Variants in MBD5 observed in about 807,000 individuals in gnomAD.
MBD5 encodes the protein methyl-CpG-binding domain protein 5.
Under a neutral mutation model 117.3 loss-of-function variants are expected in MBD5, and 13 were observed. The observed-to-expected ratio is 0.11, with a 90% CI of 0.07 to 0.18. The LOEUF (loss-of-function observed/expected upper bound fraction) is 0.18. Ranked by LOEUF, MBD5 falls within the 10% of genes least tolerant of loss-of-function variation. The pLI is 1.00. For missense variants in MBD5, 1,879 were observed against 2,093.8 expected (o/e 0.90, Z 2.00); for synonymous variants, 727 against 766.4 (o/e 0.95, Z 0.85).
intron 4 of MBD5, among the ~76,000 whole-genome samples, chr2:148,435,779 G>T (rs1342265672): frequency 6.6e-6 from 1 of 152,144 alleles, no homozygotes; most frequent in Non-Finnish European, 1.5e-5. Flanking sequence ...GAATTTGAAT[G>T]TTGGCCTCTC....
chr2:148,030,141 C>A (rs1014097026), intron 1 of MBD5, among the ~76,000 whole-genome samples: 1 of 151,944 alleles, frequency 6.6e-6, no homozygotes, highest in Non-Finnish European at 1.5e-5. Flanking sequence ...CTTGGTGGCA[C>A]ATACCTCTAA....
At chr2:148,413,316 A>G (rs1279889337) in intron 4 of MBD5, among the ~76,000 whole-genome samples, 5 of 152,004 alleles carry the variant, frequency 3.3e-5, no homozygotes, top group Non-Finnish European at 5.9e-5. Flanking sequence ...ATAAAACTTA[A>G]TTTATCATGG....
intron 1 of MBD5, among the ~76,000 whole-genome samples, chr2:148,112,340 A>G (rs890370849): frequency 6.6e-6 from 1 of 152,186 alleles, no homozygotes; most frequent in Non-Finnish European, 1.5e-5. Flanking sequence ...TGTACATTTT[A>G]TTAGTAGTTC....
chr2:148,148,187 A>G (rs144359834), intron 1 of MBD5, among the ~76,000 whole-genome samples: 135 of 152,278 alleles, frequency 8.9e-4, no homozygotes, highest in Non-Finnish European at 1.4e-3. Context: ...TGTCCTGAAA[A>G]TGGAGCTTAG....
In MBD5 at chr2:148,458,777, T is replaced by A. The variant is rs766104877; in HGVS notation, c.19T>A (p.Cys7Ser). 6.2e-7 allele frequency: 1 copy of A among 1,613,190 alleles called. No individual in the cohort carries two copies. The highest frequency in any genetic ancestry group is 8.5e-7 in the Non-Finnish European group (1 of 1,179,556). The change falls in exon 5 of 14, where the codon TGT (cysteine) becomes AGT (serine). Residue 7 changes from cysteine (C) to serine (S), a missense_variant. Coordinates refer to ENST00000642680, the MANE Select transcript of MBD5 (RefSeq NM_001378120.1). ...ACAGAAAATGAATGGAGGCAAAGAG[T>A]GTGACGGAGGGGACAAGGAAGGAGG... is the stretch of plus-strand genomic sequence containing the variant. MNGGKE[C>S]DGGDKEGGLP...
intron 1 of MBD5, among the ~76,000 whole-genome samples, chr2:148,084,757 A>C (rs1349408985): frequency 2.0e-5 from 3 of 152,210 alleles, no homozygotes; most frequent in Non-Finnish European, 4.4e-5. Context: ...AATACAGGGT[A>C]TCATGTAAAA....
intron 1 of MBD5, among the ~76,000 whole-genome samples, chr2:148,098,778 T>C (rs907580282): frequency 3.3e-5 from 5 of 152,038 alleles, no homozygotes; most frequent in African/African-American, 1.2e-4. Context: ...AGGCCAGGTG[T>C]GGTGGCTCAT....
chr2:148,377,238 G>C (rs185059197), intron 4 of MBD5, among the ~76,000 whole-genome samples: 1 of 152,160 alleles, frequency 6.6e-6, no homozygotes, highest in Non-Finnish European at 1.5e-5. Context: ...ATGTAGGCTG[G>C]GAGGCTAAGC....
chr2:148,294,501 G>GTTTTTTTTTTTTTTTTTTTTGTTTTTT (rs1701592466), intron 3 of MBD5, among the ~76,000 whole-genome samples: 1 of 113,216 alleles, frequency 8.8e-6, no homozygotes, highest in African/African-American at 3.7e-5. Context: ...TGGGATTACA[G>GTTTTTTTTTTTTTTTTTTTTGTTTTTT]TTTTTTTTTT....
In MBD5 at chr2:148,489,799, T is replaced by C. The variant is rs769780901; in HGVS notation, c.4167T>C (p.Gly1389=). ...GRNMGGVDHD[G]RLRNSRGARL... is the part of the protein sequence containing the mutation. ...ACATGGGAGGTGTTGATCATGATGG[T>C]AGGCTGAGGAATTCAAGAGGGGCTC... Residue 1389 remains glycine (G), a synonymous_variant, in exon 11 of 14, where the codon GGT becomes GGC. Transcript: ENST00000642680. 1.2e-6 allele frequency: 2 copies of C among 1,614,046 alleles called. No individual in the cohort carries two copies. The highest frequency in any genetic ancestry group is 2.2e-5 in the South Asian group (2 of 91,070).
intron 4 of MBD5, among the ~76,000 whole-genome samples, chr2:148,400,690 G>A (rs781334184): frequency 2.0e-5 from 3 of 152,138 alleles, no homozygotes; most frequent in Non-Finnish European, 4.4e-5. Context: ...CTTTCTGAGA[G>A]GTATGATCCT....
At chr2:148,274,120 T>G (rs1248781520) in intron 3 of MBD5, among the ~76,000 whole-genome samples, 1 of 152,178 alleles carries the variant, frequency 6.6e-6, no homozygotes, top group Non-Finnish European at 1.5e-5. Flanking sequence ...TCTCTTTCAG[T>G]GTCAAGAGCA....
At chr2:148,036,593 A>C (rs776312932) in intron 1 of MBD5, among the ~76,000 whole-genome samples, 1 of 152,082 alleles carries the variant, frequency 6.6e-6, no homozygotes, top group Non-Finnish European at 1.5e-5. Flanking sequence ...TTAGCCATCA[A>C]CTGGCTTTTT....
At chr2:148,040,174 C>T (rs1186551040) in intron 1 of MBD5, among the ~76,000 whole-genome samples, 8 of 151,826 alleles carry the variant, frequency 5.3e-5, no homozygotes, top group African/African-American at 1.9e-4. Context: ...TACCCCTGAA[C>T]CTAAAATAAA....
intron 1 of MBD5, among the ~76,000 whole-genome samples, chr2:148,121,536 A>G (rs1281676788): frequency 2.0e-5 from 3 of 152,074 alleles, no homozygotes; most frequent in Non-Finnish European, 4.4e-5. Flanking sequence ...CCATTATTCA[A>G]TTATTGGAAA....
intron 1 of MBD5, among the ~76,000 whole-genome samples, chr2:148,078,955 A>C (rs1419519671): frequency 6.6e-6 from 1 of 152,204 alleles, no homozygotes; most frequent in African/African-American, 2.4e-5. Flanking sequence ...TACAGACTGG[A>C]ACAAATGACC....
intron 1 of MBD5, among the ~76,000 whole-genome samples, chr2:148,074,478 T>C (rs1695439352): frequency 6.7e-6 from 1 of 149,656 alleles, no homozygotes; most frequent in Non-Finnish European, 1.5e-5. Flanking sequence ...TTCAAAGGAA[T>C]AGTTTGTTTT....
At chr2:148,290,301 C>CT (rs1322576984) in intron 3 of MBD5, among the ~76,000 whole-genome samples, 1 of 151,446 alleles carries the variant, frequency 6.6e-6, no homozygotes, top group Non-Finnish European at 1.5e-5. Context: ...AAGTAAGCTG[C>CT]TTTTTTTAAA....
At chr2:148,149,083 T>C (rs1040379330) in intron 1 of MBD5, among the ~76,000 whole-genome samples, 51 of 150,658 alleles carry the variant, frequency 3.4e-4, no homozygotes, top group African/African-American at 1.1e-3. Context: ...ATGCTATCCC[T>C]CCCCACTCCC....
Sources: gnomAD v4.1 joint callset for allele counts (sites outside exome capture counted in the v4.1 genomes callset) on GRCh38, gnomAD v4.1.1 for gene constraint, MANE v1.5 for transcripts, NCBI Gene and HGNC (gene_info 2026-07-23, HGNC 2026-07-21) for gene names.